Variants in RIPK2 observed in about 807,000 individuals in gnomAD.
RIPK2 encodes receptor-interacting serine/threonine-protein kinase 2.
Under a neutral mutation model 60.9 loss-of-function variants are expected in RIPK2, and 38 were observed. The ratio of observed to expected loss-of-function variants is 0.62; its 90% CI spans 0.48 to 0.82. The LOEUF is 0.82. Among genes scored for constraint, RIPK2 ranks in the 40% least tolerant of loss-of-function variants. The pLI is 0.00. For missense variants in RIPK2, 518 were observed against 647.0 expected, an observed-to-expected ratio of 0.80 and a Z score of 2.16; for synonymous variants, 225 against 223.4, an observed-to-expected ratio of 1.01 and a Z score of -0.06.
Position 89,790,072 on chromosome 8 carries a change from T to C in RIPK2, c.1286-7T>C. The C allele has an allele frequency of 6.3e-7, 1 of 1,596,360 alleles. No homozygotes were observed. The highest frequency in any genetic ancestry group is 8.5e-7 in the Non-Finnish European group (1 of 1,171,742). On this transcript the variant is annotated splice_polypyrimidine_tract_variant and splice_region_variant and intron_variant, in intron 10 of 10. Transcript: ENST00000220751. The stretch of plus-strand genomic sequence containing the variant: ...TTTTAAATTATTCATTCCTTGTTCT[T>C]TTTCAGAACGTCTGCAGCCTGGTAT...
chr8:89,769,965 G>A (rs111569890), intron 4 of RIPK2, 36 bp downstream of exon 4: 2 of 1,477,962 alleles, frequency 1.4e-6, no homozygotes, highest in African/African-American at 1.5e-5. Context: ...ATTTAACCTT[G>A]TCTCAGACAC....
intron 8 of RIPK2, among the ~76,000 whole-genome samples, chr8:89,785,707 T>C (rs16900592): frequency 0.06 from 9,065 of 152,244 alleles, 815 homozygotes; most frequent in African/African-American, 0.19. Flanking sequence ...TAAAGCATAG[T>C]ATATCACATT....
At chr8:89,765,802 G>C (rs186416138) in intron 3 of RIPK2, among the ~76,000 whole-genome samples, 1 of 151,064 alleles carries the variant, frequency 6.6e-6, no homozygotes, top group South Asian at 2.1e-4. Flanking sequence ...TTTATAGGAA[G>C]TTGCAAAGGT....
intron 1 of RIPK2, among the ~76,000 whole-genome samples, chr8:89,760,596 G>T (rs1225862631): frequency 6.6e-6 from 1 of 152,144 alleles, no homozygotes; most frequent in Non-Finnish European, 1.5e-5. Context: ...TAGAAAGAAT[G>T]CAGGCTTTAA....
intron 9 of RIPK2, among the ~76,000 whole-genome samples, chr8:89,788,338 A>G (rs945783287): frequency 6.7e-6 from 1 of 150,284 alleles, no homozygotes; most frequent in African/African-American, 2.5e-5. Flanking sequence ...GCAAGATTCT[A>G]TCTCAATTAA....
rs772069500 is a variant in RIPK2, at chr8:89,784,127, T to C, written c.1017T>C (p.His339=). 13 of 1,255,428 alleles carry C rather than the reference T, an allele frequency of 1.0e-5. No homozygotes were observed. The South Asian group carries it at 1.2e-4, about 12-fold the overall frequency. 77.8% of individuals were successfully genotyped at this position (1,255,428 alleles called of 1,614,324 possible). The stretch of plus-strand genomic sequence containing the variant: ...TATCTCTGAACATACCTGTAAATCA[T>C]GGTCCACAAGAGGTAAAAAAAAAAA... The part of the protein sequence containing the change: ...MELSLNIPVN[H]GPQEESCGSS... The change falls in exon 8 of 11, where the codon CAT becomes CAC. Residue 339 remains histidine (H), a synonymous_variant. Transcript: ENST00000220751.
chr8:89,765,599 G>C (rs1225081207), intron 3 of RIPK2, 103 bp downstream of exon 3: 2 of 658,142 alleles, frequency 3.0e-6, no homozygotes, highest in East Asian at 5.6e-5. Flanking sequence ...TCTCCTTAGA[G>C]ATAGAGACTA....
At chr8:89,781,354 A>ATTTTTTTTTTTCTTTTT (rs1161497561) in intron 7 of RIPK2, among the ~76,000 whole-genome samples, 7 of 143,962 alleles carry the variant, frequency 4.9e-5, no homozygotes, top group African/African-American at 1.8e-4. Context: ...AATAGATTGA[A>ATTTTTTTTTTTCTTTTT]TTTTTTTTTT....
chr8:89,762,834 G>A lies in RIPK2; in HGVS notation c.179G>A (p.Arg60Lys). Reference protein sequence around the residue: ...HIHTPLLDSERKDVLREAEIL... With the variant: ...HIHTPLLDSEKKDVLREAEIL... Reference sequence around the variant, plus strand: ...TATGCATTTTTTTTTCTTAGTGAAAGAAAGGATGTCTTAAGAGAAGCTGAA... The same window carrying A: ...TATGCATTTTTTTTTCTTAGTGAAAAAAAGGATGTCTTAAGAGAAGCTGAA... Residue 60 changes from arginine to lysine, a missense_variant, in exon 2 of 11, where the codon AGA (arginine) becomes AAA (lysine). This residue lies in a region of RIPK2 where 448 missense variants were observed against 534.7 expected (regional missense o/e 0.84). Coordinates refer to ENST00000220751, the MANE Select transcript of RIPK2 (RefSeq NM_003821.6). 7.2e-7 allele frequency: 1 copy of A among 1,390,494 alleles called. No homozygotes were observed. The highest frequency in any genetic ancestry group is 9.6e-7 in the Non-Finnish European group (1 of 1,040,810). 86.1% of individuals were successfully genotyped at this position (1,390,494 alleles called of 1,614,324 possible).
chr8:89,788,187 C>G (rs1809617685), intron 9 of RIPK2, among the ~76,000 whole-genome samples: 1 of 151,358 alleles, frequency 6.6e-6, no homozygotes, highest in South Asian at 2.1e-4. Flanking sequence ...ACTAAAAATA[C>G]AAAAAAATTA....
intron 5 of RIPK2, 75 bp from the exon 6 acceptor site, chr8:89,772,592 T>A: frequency 9.4e-7 from 1 of 1,059,108 alleles, no homozygotes; most frequent in Non-Finnish European, 1.3e-6. Flanking sequence ...TATTTTCTTT[T>A]AGTTAGTTTT....
intron 6 of RIPK2, among the ~76,000 whole-genome samples, chr8:89,779,358 A>T (rs2735880): frequency 7.4e-6 from 1 of 134,476 alleles, no homozygotes. Flanking sequence ...TCTGTTGCCC[A>T]GGCTGGAGTG....
In RIPK2 at chr8:89,790,370, T is replaced by A. The variant is rs201561176; in HGVS notation, c.1577T>A (p.Val526Asp). Residue 526 changes from valine (V) to aspartate (D), a missense_variant, in exon 11 of 11, where the codon GTT (valine) becomes GAT (aspartate). Around this residue, in one of 3 missense-constraint regions of RIPK2, gnomAD observed 41 missense variants for 43.7 expected, o/e 0.94. Transcript: ENST00000220751. ...GLQPYPEILV[V>D]SRSPSLNLLQ... is the part of the protein sequence containing the mutation. ...CAGCCTTACCCGGAAATACTTGTGG[T>A]TTCTAGATCACCATCTTTAAATTTA... 4.6e-5 allele frequency: 74 copies of A among 1,608,934 alleles called. No individual in the cohort carries two copies. The highest frequency in any genetic ancestry group is 5.7e-5 in the Non-Finnish European group (67 of 1,178,016).
intron 8 of RIPK2, among the ~76,000 whole-genome samples, chr8:89,785,453 A>T (rs1490176103): frequency 6.6e-6 from 1 of 151,976 alleles, no homozygotes; most frequent in Non-Finnish European, 1.5e-5. Context: ...CAAAAAAAAA[A>T]ACTTTGTTTC....
intron 2 of RIPK2, 96 bp from the exon 3 acceptor site, chr8:89,765,245 T>C (rs1809207665): frequency 2.5e-6 from 2 of 814,186 alleles, no homozygotes; most frequent in Non-Finnish European, 3.9e-6. Context: ...CCTTAGTTTA[T>C]ACTGTATTTC....
At position 89,765,430 on chromosome 8, in the gene RIPK2, T is replaced by G. The variant is rs578075701; in HGVS notation, c.417T>G (p.Thr139=). The change falls in exon 3 of 11, where the codon ACT becomes ACG. Residue 139 remains threonine, a synonymous_variant. Coordinates refer to ENST00000220751, the MANE Select transcript of RIPK2 (RefSeq NM_003821.6). The stretch of plus-strand genomic sequence containing the variant: ...GTGTAAATTACCTGCACAATATGAC[T>G]CCTCCTTTACTTCATCATGACTTGA... ...ALGVNYLHNM[T]PPLLHHDLKT... 1 of 1,600,642 alleles carries G rather than the reference T, an allele frequency of 6.2e-7. No individual in the cohort carries two copies. Among genetic ancestry groups the G allele is most frequent in the African/African-American group, 1.3e-5 (1 of 74,568 alleles).
At chr8:89,777,871 AC>A (rs1333819446) in intron 6 of RIPK2, among the ~76,000 whole-genome samples, 1 of 152,064 alleles carries the variant, frequency 6.6e-6, no homozygotes, top group Non-Finnish European at 1.5e-5. Context: ...GATTCTGGGA[AC>A]CTGAAAGGGA....
chr8:89,773,493 G>A (rs1809347628), intron 6 of RIPK2, among the ~76,000 whole-genome samples: 1 of 152,128 alleles, frequency 6.6e-6, no homozygotes, highest in African/African-American at 2.4e-5. Flanking sequence ...ATATTGGAGA[G>A]TTAAGAGAGA....
At chr8:89,772,520 T>A in intron 5 of RIPK2, 147 bp from the exon 6 acceptor site, 1 of 570,092 alleles carries the variant, frequency 1.8e-6, no homozygotes, top group Non-Finnish European at 3.0e-6. Flanking sequence ...TGGTTTGGGG[T>A]ATATATATTC....
Sources: allele counts gnomAD v4.1 joint callset (sites outside exome capture counted in the v4.1 genomes callset), GRCh38; gene constraint gnomAD v4.1.1; regional missense constraint gnomAD v4.1.1; transcripts MANE v1.5; gene names NCBI Gene and HGNC (gene_info 2026-07-23, HGNC 2026-07-21).